The following ZBTB25 variants were observed in gnomAD, a reference collection of about 807,000 sequenced individuals.
The protein encoded by ZBTB25 is zinc finger and BTB domain containing 25, also known as zinc finger and BTB domain-containing protein 25.
A neutral mutation model predicts 34.2 loss-of-function variants in ZBTB25; 20 were observed. The observed-to-expected ratio is 0.58, with a 90% CI of 0.41 to 0.85. The LOEUF (loss-of-function observed/expected upper bound fraction) is 0.85. ZBTB25 is among the 40% of genes least tolerant of loss of function. The pLI, the probability that ZBTB25 is intolerant of heterozygous loss-of-function variation, is 0.00. For synonymous variants in ZBTB25, 175 were observed against 186.4 expected, an observed-to-expected ratio of 0.94 and a Z score of 0.50; for missense variants, 437 against 521.8, an observed-to-expected ratio of 0.84 and a Z score of 1.58.
chr14:64,502,431 G>A (rs369158805), intron 1 of ZBTB25: 1 of 157,098 alleles, frequency 6.4e-6, no homozygotes. Context: ...AATATATCCA[G>A]ATTGTTAAAG....
At chr14:64,489,313 T>C (rs1048591166) in intron 2 of ZBTB25, among the ~76,000 whole-genome samples, 3 of 152,052 alleles carry the variant, frequency 2.0e-5, no homozygotes, top group Admixed American at 6.6e-5. Context: ...AAGTGTTATA[T>C]GAAACAAAAA....
chr14:64,477,191 A>G (rs948702811), downstream of ZBTB25, among the ~76,000 whole-genome samples: 6 of 152,224 alleles, frequency 3.9e-5, no homozygotes, highest in African/African-American at 9.6e-5. Context: ...AGGATAAGGA[A>G]AGGCAAGGCT....
rs542315632 is a variant in ZBTB25, at chr14:64,491,197, G to A, written c.-7-657C>T. Among the ~76,000 whole-genome samples, 13 of 152,328 alleles carry A rather than the reference G, an allele frequency of 8.5e-5. No individual in the cohort carries two copies. The South Asian group carries it at 2.7e-3, about 32-fold the overall frequency. ...GAGAAAGAACTTAAGCTGGCGCAGT[G>A]GCTCATGCCTGTAATCCCAGCACCT... On this transcript the variant is annotated intron_variant, in intron 1 of 2. Coordinates refer to ENST00000608382, the MANE Select transcript of ZBTB25 (RefSeq NM_006977.5).
chr14:64,471,668 C>G (rs1453113191), intron 2 of ZBTB25: 1 of 166,902 alleles, frequency 6.0e-6, no homozygotes, highest in African/African-American at 2.4e-5. Flanking sequence ...GTGTATTCCC[C>G]CATTGTGTAA....
chr14:64,454,546 CTTTTT>C (rs59626407), intron 2 of ZBTB25, among the ~76,000 whole-genome samples: 2 of 133,468 alleles, frequency 1.5e-5, no homozygotes, highest in African/African-American at 5.5e-5. Context: ...CCCAACAGTT[CTTTTT>C]TTTTTTTTTT....
upstream of ZBTB25, chr14:64,504,979 C>T (rs1311663371): frequency 7.6e-6 from 3 of 393,528 alleles, no homozygotes; most frequent in African/African-American, 2.1e-5. Flanking sequence ...GCTATTTGCG[C>T]AACTTTGGCC....
At chr14:64,500,736 T>C (rs1412910349) in intron 1 of ZBTB25, among the ~76,000 whole-genome samples, 2 of 150,764 alleles carry the variant, frequency 1.3e-5, no homozygotes, top group African/African-American at 4.9e-5. Context: ...AACTCAAATG[T>C]CCATGGATAG....
rs560020432 is a variant in ZBTB25 at position 64,498,745 on chromosome 14, T to C, written c.-8+4916A>G. ...GCCTCCCGGGTTCGCGCCATTCTCC[T>C]GCCTCAGCCTCCCGAGTAGCTGGGA... On this transcript the variant is annotated intron_variant, in intron 1 of 2. Coordinates refer to ENST00000608382, the MANE Select transcript of ZBTB25 (RefSeq NM_006977.5). Among the ~76,000 whole-genome samples the C allele has an allele frequency of 6.3e-3, 955 of 152,156 alleles. 4 individuals are homozygous for C. The highest frequency in any genetic ancestry group is 0.01 in the Non-Finnish European group (710 of 67,982).
At chr14:64,463,122 G>A (rs1179979342) in intron 2 of ZBTB25, 1 of 151,984 alleles carries the variant, frequency 6.6e-6, no homozygotes. Context: ...CTACTAATGG[G>A]GTAGTAGACA....
chr14:64,502,723 C>T, intron 1 of ZBTB25: 1 of 985,394 alleles, frequency 1.0e-6, no homozygotes, highest in Non-Finnish European at 1.2e-6. Context: ...GTGGAGAGTG[C>T]AATCACCAAG....
rs2078874185 is a variant in ZBTB25 at position 64,486,767 on chromosome 14, T to G, written c.*156A>C. ...TTTAATAGCCACATATTAATATGTC[T>G]TATGAGAAGATCTAATATATACAAC... On this transcript the variant is annotated 3_prime_UTR_variant, in exon 3 of 3. Coordinates refer to ENST00000608382, the MANE Select transcript of ZBTB25 (RefSeq NM_006977.5). The G allele has an allele frequency of 7.4e-7, 1 of 1,357,538 alleles. No homozygotes were observed. Among genetic ancestry groups the G allele is most frequent in the Non-Finnish European group, 9.5e-7 (1 of 1,056,934 alleles). The allele number at this position is 1,357,538 out of a possible 1,614,324, so 84.1% of individuals were successfully genotyped here. A position where few individuals can be genotyped will look rare whatever the true frequency, so the allele number is the denominator to read the frequency against.
At chr14:64,473,502 G>A (rs1021155778), downstream of ZBTB25, 1 of 167,010 alleles carries the variant, frequency 6.0e-6, no homozygotes, top group Non-Finnish European at 1.5e-5. Context: ...GATCATGGAG[G>A]CACCAAATTT....
chr14:64,496,058 T>C (rs916134397), intron 1 of ZBTB25, among the ~76,000 whole-genome samples: 8 of 152,244 alleles, frequency 5.3e-5, no homozygotes, highest in Admixed American at 4.6e-4. Context: ...CATTGTGTTC[T>C]TTTTAAACGA....
At chr14:64,464,515 C>T (rs2078589916) in intron 2 of ZBTB25, among the ~76,000 whole-genome samples, 1 of 152,076 alleles carries the variant, frequency 6.6e-6, no homozygotes, top group African/African-American at 2.4e-5. Flanking sequence ...AAAACATTTC[C>T]GGAAAAAATA....
chr14:64,458,250 T>A lies in ZBTB25; in HGVS notation c.174-8612A>T, dbSNP rs2140993701. Reference sequence around the variant, plus strand: ...GCCTGGACTCCCCACCCGGCCCTGTTTTTATGATATTGATTTGGACCCTGA... The same window carrying A: ...GCCTGGACTCCCCACCCGGCCCTGTATTTATGATATTGATTTGGACCCTGA... On this transcript the variant is annotated intron_variant, in intron 2 of 2. Coordinates refer to the ZBTB25 transcript ENST00000555220. 1 of 1,613,722 alleles carries A rather than the reference T, an allele frequency of 6.2e-7. No homozygotes were observed. The highest frequency in any genetic ancestry group is 8.5e-7 in the Non-Finnish European group (1 of 1,179,650).
Position 64,487,409 on chromosome 14 carries a change from C to G in ZBTB25, c.822G>C (p.Leu274=), listed in dbSNP as rs747925553. The G allele has an allele frequency of 8.1e-6, 13 of 1,614,050 alleles. No individual in the cohort carries two copies. The highest frequency in any genetic ancestry group is 1.1e-5 in the Non-Finnish European group (13 of 1,180,032). Residue 274 remains leucine, a synonymous_variant, in exon 3 of 3, where the codon CTG becomes CTC. Coordinates refer to ENST00000608382, the MANE Select transcript of ZBTB25 (RefSeq NM_006977.5). ...GCACTTCACCAAGGTCATTACTTTC[C>G]AGAATGGAAGCAGGGACACCGAATG... The part of the protein sequence containing the change: ...SLPFGVPASI[L]ESNDLGEVHP...
intron 1 of ZBTB25, among the ~76,000 whole-genome samples, chr14:64,497,304 ACAACCTAC>A (rs1250538134): frequency 6.6e-6 from 1 of 152,232 alleles, no homozygotes; most frequent in Non-Finnish European, 1.5e-5. Context: ...ATTTTCTAAT[ACAACCTAC>A]TCTGCAAATT....
At chr14:64,471,785 G>A (rs1010043568) in intron 2 of ZBTB25, 1 of 166,992 alleles carries the variant, frequency 6.0e-6, no homozygotes, top group African/African-American at 2.4e-5. Context: ...ATGCACATTA[G>A]ATGATTTTAA....
In ZBTB25 at chr14:64,478,254, A is replaced by G. The variant is rs947112673; in HGVS notation, c.*8669T>C. 1 of 152,246 alleles carries G rather than the reference A, an allele frequency of 6.6e-6. No individual in the cohort carries two copies. Among genetic ancestry groups the G allele is most frequent in the African/African-American group, 2.4e-5 (1 of 41,464 alleles). 9.4% of individuals were successfully genotyped at this position (152,246 alleles called of 1,614,324 possible). A position where few individuals can be genotyped will look rare whatever the true frequency, so the allele number is the denominator to read the frequency against. On this transcript the variant is annotated 3_prime_UTR_variant, in exon 3 of 3. Transcript: ENST00000608382. ...GGATGATGAGAATAATATTGTAATC[A>G]GAAATGAAGGGGGAGGCAGGCTGTA...
Sources: allele counts gnomAD v4.1 joint callset (sites outside exome capture counted in the v4.1 genomes callset), GRCh38; gene constraint gnomAD v4.1.1; transcripts MANE v1.5; gene names NCBI Gene and HGNC (gene_info 2026-07-23, HGNC 2026-07-21).